The following BCAS3 variants were observed in gnomAD, a reference collection of about 807,000 sequenced individuals.
BCAS3 encodes BCAS3 microtubule associated cell migration factor, also known as BCAS4/BCAS3 fusion.
In BCAS3, 53 loss-of-function variants were observed where a neutral mutation model predicts 116.1. The observed-to-expected ratio is 0.46, with a 90% CI of 0.37 to 0.57. The LOEUF (loss-of-function observed/expected upper bound fraction) is 0.57. Ranked by LOEUF, BCAS3 falls within the 20% of genes least tolerant of loss-of-function variation. The pLI is 0.00. For synonymous variants in BCAS3, 391 were observed against 408.2 expected, an observed-to-expected ratio of 0.96 and a Z score of 0.51; for missense variants, 917 against 1,165.4, an observed-to-expected ratio of 0.79 and a Z score of 3.10.
Position 61,344,108 on chromosome 17 carries a change from C to T in BCAS3, c.2426-24219C>T, listed in dbSNP as rs1019893953. The stretch of plus-strand genomic sequence containing the variant: ...GGAGCGTGGGACAGGCTAAGGATGC[C>T]GGCTAGCCCCCAATCCCAGAGAGCA... On this transcript the variant is annotated intron_variant, in intron 22 of 23. Transcript: ENST00000407086. This position sits in a 1 kb window ranked among gnomAD's most constrained non-coding sequence, Gnocchi z 4.1. 1.3e-5 allele frequency among the ~76,000 whole-genome samples: 2 copies of T among 152,070 alleles called. No individual in the cohort carries two copies. The highest frequency in any genetic ancestry group is 1.9e-4 in the East Asian group (1 of 5,180).
chr17:61,121,826 G>A (rs1347400064), intron 22 of BCAS3, among the ~76,000 whole-genome samples: 1 of 152,182 alleles, frequency 6.6e-6, no homozygotes, highest in Admixed American at 6.5e-5. Flanking sequence ...CGCCTCCCGG[G>A]TTCAAGCAGT....
chr17:61,357,278 T>G (rs1285901361), intron 22 of BCAS3, among the ~76,000 whole-genome samples: 1 of 144,756 alleles, frequency 6.9e-6, no homozygotes, highest in Non-Finnish European at 1.5e-5. Context: ...ATTAATTAAT[T>G]AAATAAATAA....
intron 7 of BCAS3, among the ~76,000 whole-genome samples, chr17:60,839,035 G>A (rs572446980): frequency 2.0e-5 from 3 of 152,198 alleles, no homozygotes; most frequent in Non-Finnish European, 4.4e-5. Context: ...GTAGAAAATA[G>A]TATTGTATAA....
intron 16 of BCAS3, among the ~76,000 whole-genome samples, chr17:61,016,349 T>C (rs7225622): frequency 0.08 from 12,207 of 152,222 alleles, 1,536 homozygotes; most frequent in African/African-American, 0.27. Context: ...AATTTACATA[T>C]AATAATCTGT....
chr17:60,706,780 C>G (rs973564698), intron 4 of BCAS3, among the ~76,000 whole-genome samples: 3 of 150,206 alleles, frequency 2.0e-5, no homozygotes, highest in Non-Finnish European at 4.4e-5. Flanking sequence ...CAAAACAAAA[C>G]AACCCCAAAA....
At chr17:61,038,933 T>C (rs891831082) in intron 18 of BCAS3, among the ~76,000 whole-genome samples, 4 of 152,222 alleles carry the variant, frequency 2.6e-5, no homozygotes, top group Non-Finnish European at 4.4e-5. Flanking sequence ...AGTGCTGGTT[T>C]TATAGGGATG....
chr17:61,246,104 T>C (rs886639279), intron 22 of BCAS3, among the ~76,000 whole-genome samples: 2 of 152,148 alleles, frequency 1.3e-5, no homozygotes, highest in African/African-American at 4.8e-5. Flanking sequence ...TCTTCTATCC[T>C]GGGAGAGTCT....
At chr17:60,704,897 G>T (rs1598174299) in intron 4 of BCAS3, among the ~76,000 whole-genome samples, 1 of 151,808 alleles carries the variant, frequency 6.6e-6, no homozygotes, top group African/African-American at 2.4e-5. Context: ...GAAATGTCAT[G>T]AATTCAACCC....
rs191293727 is a variant in BCAS3 at position 61,204,778 on chromosome 17, A to C, written c.2425+120214A>C. Among the ~76,000 whole-genome samples the C allele has an allele frequency of 2.0e-5, 3 of 152,174 alleles. No homozygotes were observed. Among genetic ancestry groups the C allele is most frequent in the Admixed American group, 6.6e-5 (1 of 15,266 alleles). On this transcript the variant is annotated intron_variant, in intron 22 of 23. Transcript: ENST00000407086. This position sits in a 1 kb window ranked among gnomAD's most constrained non-coding sequence, Gnocchi z 4.2. ...CAAAAAATTAAAGAATTGGCCTGGC[A>C]TGGTGGCTCATGTCTGTAATCCAAG...
intron 3 of BCAS3, among the ~76,000 whole-genome samples, chr17:60,686,680 C>T (rs933199354): frequency 5.9e-5 from 9 of 152,078 alleles, no homozygotes; most frequent in African/African-American, 2.2e-4. Context: ...CATGTGCCAA[C>T]ACGCCCGGCC....
rs2074081597 is a variant in BCAS3 at position 61,097,904 on chromosome 17, A to G, written c.2425+13340A>G. Among the ~76,000 whole-genome samples the G allele has an allele frequency of 6.6e-6, 1 of 152,336 alleles. No individual in the cohort carries two copies. On this transcript the variant is annotated intron_variant, in intron 22 of 23. Transcript: ENST00000407086. The surrounding 1 kb of genome is among the most constrained non-coding windows in gnomAD (Gnocchi z 4.0). ...TCATTTCAAAACACTGTATGCTGAA[A>G]TGAGCCACGTGGGAGTTGAAGAGAA...
Position 60,728,590 on chromosome 17 carries a change from C to T in BCAS3, c.322-18608C>T, listed in dbSNP as rs2040144644. ...CACCTCCTGGGTTCAAGTGATTCTC[C>T]TGCCTCAGCCTCCCAAGTAGCTGGG... On this transcript the variant is annotated intron_variant, in intron 5 of 23. Transcript: ENST00000407086. Among the ~76,000 whole-genome samples, 13 of 152,076 alleles carry T rather than the reference C, an allele frequency of 8.5e-5. No homozygotes were observed. In the South Asian group the frequency reaches 2.7e-3, roughly 32 times the overall value.
At chr17:61,089,254 A>G (rs1449632526) in intron 22 of BCAS3, among the ~76,000 whole-genome samples, 1 of 152,108 alleles carries the variant, frequency 6.6e-6, no homozygotes, top group Admixed American at 6.6e-5. Flanking sequence ...TGATTTTATA[A>G]TGATCATTTA....
In BCAS3 at chr17:61,367,801, T is replaced by TTATTTATA. The variant is rs2058819882; in HGVS notation, c.2426-519_2426-518insATATTTAT. ...TATAACCCCTTCTTTAAATGAAAATTTATTTATTTATTTATTTATTTATTT... is the reference window on the plus strand; with the variant it reads ...TATAACCCCTTCTTTAAATGAAAATTTATTTATATATTTATTTATTTATTTATTTATTT... On this transcript the variant is annotated intron_variant, in intron 22 of 23. Transcript: ENST00000407086. This position sits in a 1 kb window ranked among gnomAD's most constrained non-coding sequence, Gnocchi z 6.2. The TTATTTATA allele has an allele frequency of 6.7e-6, 1 of 149,080 alleles. No individual in the cohort carries two copies. Among genetic ancestry groups the TTATTTATA allele is most frequent in the Non-Finnish European group, 1.5e-5 (1 of 67,976 alleles). The allele number at this position is 149,080 out of a possible 1,614,324, so 9.2% of individuals were successfully genotyped here.
intron 4 of BCAS3, among the ~76,000 whole-genome samples, chr17:60,700,417 G>A (rs7210303): frequency 0.07 from 10,648 of 152,158 alleles, 1,245 homozygotes; most frequent in African/African-American, 0.24. Flanking sequence ...CAAAATAAGG[G>A]ACCCTGGAGG....
intron 9 of BCAS3, among the ~76,000 whole-genome samples, chr17:60,880,657 A>C (rs73320637): frequency 0.09 from 13,759 of 152,120 alleles, 2,061 homozygotes; most frequent in African/African-American, 0.31. Context: ...GCTGTTGTAG[A>C]TAATGCTTGT....
At chr17:60,862,666 T>C (rs1053399488) in intron 7 of BCAS3, among the ~76,000 whole-genome samples, 4 of 152,134 alleles carry the variant, frequency 2.6e-5, no homozygotes, top group Non-Finnish European at 5.9e-5. Flanking sequence ...TTTCTTTTCT[T>C]TTTGAGACAG....
intron 7 of BCAS3, among the ~76,000 whole-genome samples, chr17:60,865,886 G>A (rs1001250439): frequency 3.3e-5 from 5 of 151,980 alleles, no homozygotes; most frequent in African/African-American, 1.2e-4. Context: ...TTTTTTATAG[G>A]TGCACTTTAT....
rs773012093 is a variant in BCAS3 at position 61,105,151 on chromosome 17, T to C, written c.2425+20587T>C. 1.3e-5 allele frequency among the ~76,000 whole-genome samples: 2 copies of C among 152,194 alleles called. No homozygotes were observed. Among genetic ancestry groups the C allele is most frequent in the African/African-American group, 2.4e-5 (1 of 41,444 alleles). On this transcript the variant is annotated intron_variant, in intron 22 of 23. Coordinates refer to ENST00000407086, the MANE Select transcript of BCAS3 (RefSeq NM_017679.5). This position sits in a 1 kb window ranked among gnomAD's most constrained non-coding sequence, Gnocchi z 4.3. ...GGGTGCTATTTAAATATTCTCTACT[T>C]ACATTTATTGAAAACTACCCTGCCG...
Sources: allele counts gnomAD v4.1 joint callset (sites outside exome capture counted in the v4.1 genomes callset), GRCh38; gene constraint gnomAD v4.1.1; non-coding constraint Gnocchi (gnomAD v3.1); transcripts MANE v1.5; gene names NCBI Gene and HGNC (gene_info 2026-07-23, HGNC 2026-07-21).